The following PPP2R2B variants were observed in gnomAD, a reference collection of about 807,000 sequenced individuals.
PPP2R2B encodes protein phosphatase 2 regulatory subunit Bbeta.
PPP2R2B carries 5 observed loss-of-function variants against 46.0 expected under a neutral mutation model. That is an observed-to-expected ratio of 0.11 (90% CI 0.06 to 0.23). PPP2R2B has a LOEUF of 0.23. Among genes scored for constraint, PPP2R2B ranks in the 10% least tolerant of loss-of-function variants. The pLI, the probability that PPP2R2B is intolerant of heterozygous loss-of-function variation, is 1.00. For missense variants in PPP2R2B, 367 were observed against 575.0 expected (o/e 0.64, Z 3.70); for synonymous variants, 215 against 206.7 (o/e 1.04, Z -0.34).
chr5:146,800,681 C>T (rs1397842510), intron 2 of PPP2R2B, among the ~76,000 whole-genome samples: 1 of 151,830 alleles, frequency 6.6e-6, no homozygotes, highest in Non-Finnish European at 1.5e-5. Flanking sequence ...GCCCATCTAT[C>T]GATTGGTTAC....
chr5:146,861,483 G>A (rs763875934), intron 2 of PPP2R2B, among the ~76,000 whole-genome samples: 2 of 152,144 alleles, frequency 1.3e-5, no homozygotes, highest in African/African-American at 4.8e-5. Flanking sequence ...GAGCCACCGC[G>A]CCCGTCGTCA....
chr5:147,054,130 G>A (rs982675997), intron 1 of PPP2R2B, among the ~76,000 whole-genome samples: 2 of 152,148 alleles, frequency 1.3e-5, no homozygotes, highest in Non-Finnish European at 2.9e-5. Flanking sequence ...AACTTTAAAA[G>A]TTCTTGTTGT....
At chr5:146,796,357 T>C (rs991556761) in intron 2 of PPP2R2B, among the ~76,000 whole-genome samples, 2 of 152,328 alleles carry the variant, frequency 1.3e-5, no homozygotes, top group East Asian at 1.9e-4. Context: ...ACCTGGCCTA[T>C]GTGCAATGCA....
chr5:146,669,807 C>T (rs558001258), intron 5 of PPP2R2B, among the ~76,000 whole-genome samples: 6 of 152,234 alleles, frequency 3.9e-5, no homozygotes, highest in Non-Finnish European at 7.4e-5. Context: ...ATGAGGTCCT[C>T]GGGATCAGCA....
chr5:146,806,471 T>TA (rs1242734306), intron 2 of PPP2R2B, among the ~76,000 whole-genome samples: 10 of 151,698 alleles, frequency 6.6e-5, no homozygotes, highest in Non-Finnish European at 1.0e-4. Context: ...GCTTGTAATA[T>TA]AAAAAAAAGA....
chr5:146,704,526 T>C (rs2151171756), intron 2 of PPP2R2B, among the ~76,000 whole-genome samples: 1 of 152,328 alleles, frequency 6.6e-6, no homozygotes, highest in Non-Finnish European at 1.5e-5. Context: ...TGTATATAGA[T>C]GTGGATAAAG....
chr5:147,019,523 T>A (rs2151884037), intron 1 of PPP2R2B, among the ~76,000 whole-genome samples: 1 of 152,252 alleles, frequency 6.6e-6, no homozygotes, highest in East Asian at 1.9e-4. Flanking sequence ...ATGAAAGGAT[T>A]GAGCTACAAA....
chr5:146,971,527 T>C lies in PPP2R2B; in HGVS notation c.79+84138A>G, dbSNP rs115091893. On this transcript the variant is annotated intron_variant, in intron 1 of 8. Coordinates refer to the PPP2R2B transcript ENST00000336640. ...TAGTGATGTGCAAAGTTATTTCCAA[T>C]CTTTTTCTATGAGAAATAATGCTAT... 5.2e-3 allele frequency among the ~76,000 whole-genome samples: 790 copies of C among 152,360 alleles called. 3 individuals are homozygous for C. Among genetic ancestry groups the C allele is most frequent in the African/African-American group, 0.018 (749 of 41,586 alleles).
chr5:146,617,756 G>A (rs759186976), intron 7 of PPP2R2B, among the ~76,000 whole-genome samples: 21 of 151,290 alleles, frequency 1.4e-4, no homozygotes, highest in Admixed American at 6.6e-4. Flanking sequence ...GTGCAGTGGC[G>A]CGATCTCAGC....
At chr5:146,686,726 G>T (rs1433069375) in intron 5 of PPP2R2B, among the ~76,000 whole-genome samples, 1 of 152,100 alleles carries the variant, frequency 6.6e-6, no homozygotes, top group African/African-American at 2.4e-5. Context: ...GGTTCCCAGG[G>T]CACTGGCAGC....
At chr5:146,838,464 C>T (rs530088244) in intron 2 of PPP2R2B, among the ~76,000 whole-genome samples, 5 of 150,896 alleles carry the variant, frequency 3.3e-5, no homozygotes, top group Middle Eastern at 3.4e-3. Context: ...CCAGTTACTT[C>T]GGAGGCTGAG....
intron 1 of PPP2R2B, among the ~76,000 whole-genome samples, chr5:147,001,192 G>T (rs539558442): frequency 1.3e-5 from 2 of 152,172 alleles, no homozygotes; most frequent in Non-Finnish European, 2.9e-5. Flanking sequence ...ATAAAAGCTG[G>T]CCACCCAAGC....
intron 5 of PPP2R2B, among the ~76,000 whole-genome samples, chr5:146,658,111 C>T (rs940110275): frequency 6.6e-6 from 1 of 152,132 alleles, no homozygotes; most frequent in Non-Finnish European, 1.5e-5. Flanking sequence ...CTCAAACCAC[C>T]CCTTTTGGGA....
intron 1 of PPP2R2B, among the ~76,000 whole-genome samples, chr5:147,000,335 C>A (rs1754113179): frequency 6.6e-6 from 1 of 152,046 alleles, no homozygotes; most frequent in African/African-American, 2.4e-5. Context: ...CCTCTAAGGG[C>A]TCTTCAAGTT....
At chr5:146,994,062 A>T (rs528443375) in intron 1 of PPP2R2B, among the ~76,000 whole-genome samples, 11 of 152,312 alleles carry the variant, frequency 7.2e-5, no homozygotes, top group African/African-American at 2.6e-4. Flanking sequence ...CAAGGCAGAC[A>T]GTCAAAAAAC....
rs571058259 is a variant in PPP2R2B at position 146,933,553 on chromosome 5, C to T, written c.79+122112G>A. ...ACACTTGGGATACCATTAAGGGCCA[C>T]CTCACTTTATTCTGAAATTTCTACT... On this transcript the variant is annotated intron_variant, in intron 1 of 8. Coordinates refer to the PPP2R2B transcript ENST00000336640. Among the ~76,000 whole-genome samples, 3 of 152,160 alleles carry T rather than the reference C, an allele frequency of 2.0e-5. No individual in the cohort carries two copies. In the South Asian group the frequency reaches 6.2e-4, roughly 32 times the overall value.
At chr5:146,966,090 C>T (rs546129555) in intron 1 of PPP2R2B, among the ~76,000 whole-genome samples, 1 of 152,316 alleles carries the variant, frequency 6.6e-6, no homozygotes, top group South Asian at 2.1e-4. Flanking sequence ...TGTCACCATA[C>T]CAAAGCCAGG....
chr5:146,636,241 T>C lies in PPP2R2B; in HGVS notation c.790+2010A>G, dbSNP rs182975222. On this transcript the variant is annotated intron_variant, in intron 7 of 9. Transcript: ENST00000394411. ...TCTCCAACCGGGGTACCTGTATATA[T>C]CCTTGGGCGTTAGGAAGAGGGGAGG... 1.6e-4 allele frequency among the ~76,000 whole-genome samples: 24 copies of C among 152,290 alleles called. No homozygotes were observed. In the East Asian group the frequency reaches 4.2e-3, roughly 27 times the overall value.
chr5:146,792,953 A>G (rs1233475203), intron 2 of PPP2R2B, among the ~76,000 whole-genome samples: 1 of 152,182 alleles, frequency 6.6e-6, no homozygotes, highest in Non-Finnish European at 1.5e-5. Context: ...CTAATTTTTT[A>G]TAGGAATCAA....
Sources: allele counts gnomAD v4.1 joint callset (sites outside exome capture counted in the v4.1 genomes callset), GRCh38; gene constraint gnomAD v4.1.1; transcripts MANE v1.5; gene names NCBI Gene and HGNC (gene_info 2026-07-23, HGNC 2026-07-21).